Variants in MAP7D2 observed in about 807,000 individuals in gnomAD.
The protein encoded by MAP7D2 is MAP7 domain-containing protein 2.
In MAP7D2, 33 loss-of-function variants were observed where a neutral mutation model predicts 63.5. The ratio of observed to expected loss-of-function variants is 0.52; its 90% confidence interval spans 0.39 to 0.70. MAP7D2 has a LOEUF of 0.70. MAP7D2 is among the 30% of genes least tolerant of loss of function. The probability of loss-of-function intolerance (pLI) is 0.00; values close to 1 mark genes in which losing one functional copy is unlikely to be tolerated. For missense variants in MAP7D2, 626 were observed against 604.0 expected (o/e 1.04, Z -0.38); for synonymous variants, 224 against 223.7 (o/e 1.00, Z -0.01).
intron 1 of MAP7D2, among the ~76,000 whole-genome samples, chrX:20,075,609 T>C (rs1031735436): frequency 1.3e-4 from 14 of 111,346 alleles, no homozygotes; most frequent in African/African-American, 4.6e-4. Flanking sequence ...AGTGTGTGTG[T>C]GCACAAATAA....
At chrX:20,076,432 G>A (rs1407201620) in intron 1 of MAP7D2, among the ~76,000 whole-genome samples, 4 of 111,930 alleles carry the variant, frequency 3.6e-5, no homozygotes, top group Non-Finnish European at 5.6e-5. Context: ...CAGGCCGGGC[G>A]CAGTGGCTCA....
At chrX:20,088,655 T>C (rs182689541) in intron 1 of MAP7D2, among the ~76,000 whole-genome samples, 36 of 108,920 alleles carry the variant, frequency 3.3e-4, no homozygotes, top group African/African-American at 1.2e-3. Flanking sequence ...ACATTTTTAT[T>C]GTGAATATTT....
chrX:20,105,763 C>T (rs925027223), intron 1 of MAP7D2, among the ~76,000 whole-genome samples: 5 of 111,782 alleles, frequency 4.5e-5, no homozygotes, highest in Admixed American at 1.9e-4. Context: ...GACCCCAACA[C>T]CAAACCCAGG....
intron 1 of MAP7D2, among the ~76,000 whole-genome samples, chrX:20,105,483 G>A: frequency 9.0e-6 from 1 of 111,682 alleles, no homozygotes; most frequent in Non-Finnish European, 1.9e-5. Flanking sequence ...GTAACTAATG[G>A]CAGCTCTTTC....
At chrX:20,024,858 T>G in intron 10 of MAP7D2, 93 bp downstream of exon 10, 1 of 1,023,221 alleles carries the variant, frequency 9.8e-7, no homozygotes, top group South Asian at 2.4e-5. Context: ...GTTCAAGTTT[T>G]ATCAATACCA....
At chrX:20,065,121 G>A (rs2065318945) in intron 1 of MAP7D2, among the ~76,000 whole-genome samples, 2 of 111,759 alleles carry the variant, frequency 1.8e-5, no homozygotes. Context: ...GTGACAGACG[G>A]GCCTGGCAGT....
intron 1 of MAP7D2, among the ~76,000 whole-genome samples, chrX:20,094,060 G>A (rs1388149161): frequency 9.0e-6 from 1 of 111,717 alleles, no homozygotes; most frequent in South Asian, 3.7e-4. Flanking sequence ...AACAAAAGCA[G>A]AGGAGTTGTA....
chrX:20,043,696 A>C (rs73445263), intron 7 of MAP7D2, among the ~76,000 whole-genome samples: 3,152 of 112,528 alleles, frequency 0.028, 109 homozygotes, highest in African/African-American at 0.096. Flanking sequence ...TTGTTATTTT[A>C]AGCTGCCAAG....
intron 1 of MAP7D2, among the ~76,000 whole-genome samples, chrX:20,076,657 C>T (rs1465013636): frequency 1.8e-5 from 2 of 108,510 alleles, no homozygotes; most frequent in Admixed American, 9.8e-5. Context: ...GCCAAGATCA[C>T]GCCACTGCAC....
At chrX:20,056,937 C>A in intron 3 of MAP7D2, 146 bp from the exon 4 acceptor site, 1 of 492,775 alleles carries the variant, frequency 2.0e-6, no homozygotes. Flanking sequence ...CTCTCTCTGC[C>A]ACACCAGCGT....
At chrX:20,009,995 T>C (rs931929270) in intron 16 of MAP7D2, among the ~76,000 whole-genome samples, 1 of 111,994 alleles carries the variant, frequency 8.9e-6, no homozygotes, top group African/African-American at 3.2e-5. Flanking sequence ...ATCACTTCTC[T>C]TGAAAACAAA....
intron 1 of MAP7D2, among the ~76,000 whole-genome samples, chrX:20,079,702 G>A (rs925542634): frequency 8.9e-6 from 1 of 111,760 alleles, no homozygotes; most frequent in Non-Finnish European, 1.9e-5. Context: ...CAAGGTTATG[G>A]GGTAGAGGCA....
At chrX:20,041,809 C>A (rs936532722) in intron 8 of MAP7D2, among the ~76,000 whole-genome samples, 2 of 111,813 alleles carry the variant, frequency 1.8e-5, no homozygotes, top group African/African-American at 6.5e-5. Context: ...TTGGTGGTCA[C>A]AAAGTTATTG....
At chrX:20,041,558 C>G (rs1414560671) in intron 8 of MAP7D2, among the ~76,000 whole-genome samples, 3 of 112,122 alleles carry the variant, frequency 2.7e-5, no homozygotes, top group African/African-American at 9.7e-5. Flanking sequence ...ATATTTTTGA[C>G]AAATTCGCAA....
At chrX:20,010,071 CTAAT>C (rs2073139213) in intron 16 of MAP7D2, among the ~76,000 whole-genome samples, 1 of 112,128 alleles carries the variant, frequency 8.9e-6, no homozygotes, top group African/African-American at 3.2e-5. Flanking sequence ...GTGACAGACT[CTAAT>C]TATGTTTTCC....
At chrX:20,096,448 A>AG (rs1303976577) in intron 1 of MAP7D2, among the ~76,000 whole-genome samples, 1 of 104,231 alleles carries the variant, frequency 9.6e-6, no homozygotes, top group Non-Finnish European at 2.0e-5. Context: ...AAAAAAAAAA[A>AG]GAAAAAAAAG....
intron 10 of MAP7D2, among the ~76,000 whole-genome samples, chrX:20,024,235 C>T (rs1486498496): frequency 8.9e-6 from 1 of 112,294 alleles, no homozygotes; most frequent in Non-Finnish European, 1.9e-5. Context: ...AAAGGAAGGT[C>T]TGTCTGTATT....
Position 20,029,308 on chromosome X carries a change from T to C in MAP7D2, c.1008-3356A>G, listed in dbSNP as rs765894448. ...AGCCTCAGCAGCCATAGCCAGCATC[T>C]GAGTTCCAGCACAACCTCTGTGTCT... On this transcript the variant is annotated intron_variant, in intron 8 of 16. Coordinates refer to ENST00000379643, the MANE Select transcript of MAP7D2 (RefSeq NM_001168465.2). Among the ~76,000 whole-genome samples, 5 of 112,412 alleles carry C rather than the reference T, an allele frequency of 4.4e-5. No individual in the cohort carries two copies. In the East Asian group the frequency reaches 1.4e-3, roughly 31 times the overall value.
At chrX:20,035,869 C>T (rs1392982863) in intron 8 of MAP7D2, among the ~76,000 whole-genome samples, 1 of 110,549 alleles carries the variant, frequency 9.0e-6, no homozygotes, top group Non-Finnish European at 1.9e-5. Context: ...GCCGAGATTG[C>T]ACCGTTGCAC....
Sources: allele counts gnomAD v4.1 joint callset (sites outside exome capture counted in the v4.1 genomes callset), GRCh38; gene constraint gnomAD v4.1.1; transcripts MANE v1.5; gene names NCBI Gene and HGNC (gene_info 2026-07-23, HGNC 2026-07-21).